Variants in NEDD9 observed in about 807,000 individuals in gnomAD.
The protein encoded by NEDD9 is neural precursor cell expressed, developmentally down-regulated 9, also known as enhancer of filamentation 1.
Under a neutral mutation model 76.6 loss-of-function variants are expected in NEDD9, and 26 were observed. The ratio of observed to expected loss-of-function variants is 0.34; its 90% CI spans 0.25 to 0.47. NEDD9 has a LOEUF of 0.47. Ranked by LOEUF, NEDD9 falls within the 20% of genes least tolerant of loss-of-function variation. NEDD9 has a pLI of 1.00. For synonymous variants in NEDD9, 392 were observed against 414.2 expected (o/e 0.95, Z 0.65); for missense variants, 937 against 1,058.5 (o/e 0.89, Z 1.59).
At chr6:11,317,028 G>A (rs540810309) in intron 2 of NEDD9, among the ~76,000 whole-genome samples, 1 of 152,212 alleles carries the variant, frequency 6.6e-6, no homozygotes, top group Non-Finnish European at 1.5e-5. Flanking sequence ...TATATCCCAA[G>A]TCTGAGATTC....
chr6:11,211,015 G>A (rs945572581), intron 2 of NEDD9, among the ~76,000 whole-genome samples: 2 of 152,212 alleles, frequency 1.3e-5, no homozygotes, highest in African/African-American at 4.8e-5. Context: ...ACTGTGTGAT[G>A]CTTTAGGCAC....
At chr6:11,348,093 C>G (rs1415136031) in intron 1 of NEDD9, among the ~76,000 whole-genome samples, 1 of 152,206 alleles carries the variant, frequency 6.6e-6, no homozygotes, top group East Asian at 1.9e-4. Context: ...ATCAAAGTTT[C>G]AGGATACAAA....
intron 1 of NEDD9, among the ~76,000 whole-genome samples, chr6:11,219,801 G>C (rs978742237): frequency 6.6e-6 from 1 of 152,202 alleles, no homozygotes; most frequent in Non-Finnish European, 1.5e-5. Context: ...TCACCTTTGG[G>C]ATAGAGGGGG....
Position 11,296,679 on chromosome 6 carries a change from C to CCCTTCCTTCCTTCCTT in NEDD9, c.12+9297_12+9312dup, listed in dbSNP as rs529125193. 3.5e-3 allele frequency among the ~76,000 whole-genome samples: 323 copies of CCCTTCCTTCCTTCCTT among 92,964 alleles called. 1 individual carries two copies. Among genetic ancestry groups the CCCTTCCTTCCTTCCTT allele is most frequent in the African/African-American group, 9.8e-3 (201 of 20,526 alleles). The allele number at this position is 92,964 out of a possible 152,430, so 61.0% of individuals were successfully genotyped here. ...CCTTTCCTTTCCTTTCCTTTCCTTT[C>CCCTTCCTTCCTTCCTT]CCTTCCTTCCTTCCTTCCTTCCTTC... is the stretch of plus-strand genomic sequence containing the variant. On this transcript the variant is annotated intron_variant, in intron 3 of 3. Coordinates refer to the NEDD9 transcript ENST00000397378.
chr6:11,368,817 A>C (rs1762810275), intron 1 of NEDD9, among the ~76,000 whole-genome samples: 1 of 151,868 alleles, frequency 6.6e-6, no homozygotes, highest in Non-Finnish European at 1.5e-5. Context: ...CATTCTTTAC[A>C]TCCCTTCTCT....
At chr6:11,282,805 C>T (rs1365318598) in intron 3 of NEDD9, among the ~76,000 whole-genome samples, 1 of 152,230 alleles carries the variant, frequency 6.6e-6, no homozygotes, top group Non-Finnish European at 1.5e-5. Flanking sequence ...TGCTTTCCCT[C>T]TGGCTCCCTG....
chr6:11,259,588 G>A (rs1409826501), intron 3 of NEDD9, among the ~76,000 whole-genome samples: 1 of 152,108 alleles, frequency 6.6e-6, no homozygotes, highest in Non-Finnish European at 1.5e-5. Context: ...TTATACAGTG[G>A]AATTTTGTTT....
intron 1 of NEDD9, chr6:11,352,916 GTTAT>G (rs1248716581): frequency 6.6e-6 from 1 of 152,256 alleles, no homozygotes; most frequent in Non-Finnish European, 1.5e-5. Context: ...CTTTGGCAGA[GTTAT>G]TTGAGGATTC....
At chr6:11,376,113 C>G (rs376500416) in intron 1 of NEDD9, among the ~76,000 whole-genome samples, 36 of 152,192 alleles carry the variant, frequency 2.4e-4, no homozygotes, top group Admixed American at 3.9e-4. Flanking sequence ...CGTGAGCCAC[C>G]GTGCCCGGTC....
At chr6:11,194,707 G>A (rs965566878) in intron 2 of NEDD9, among the ~76,000 whole-genome samples, 5 of 152,156 alleles carry the variant, frequency 3.3e-5, no homozygotes, top group African/African-American at 9.7e-5. Flanking sequence ...CAGTACCTAC[G>A]TCAAGGGATA....
intron 2 of NEDD9, among the ~76,000 whole-genome samples, chr6:11,319,028 T>C (rs986544019): frequency 2.6e-5 from 4 of 152,274 alleles, no homozygotes; most frequent in African/African-American, 9.6e-5. Flanking sequence ...TAGAGTTCAT[T>C]ATGTTTCTGC....
chr6:11,367,524 A>C (rs1312883760), intron 1 of NEDD9, among the ~76,000 whole-genome samples: 2 of 152,226 alleles, frequency 1.3e-5, no homozygotes, highest in Non-Finnish European at 2.9e-5. Flanking sequence ...AGTCTAGAGG[A>C]CCAACTGCAT....
chr6:11,359,264 A>T (rs545188940), intron 1 of NEDD9, among the ~76,000 whole-genome samples: 1 of 152,230 alleles, frequency 6.6e-6, no homozygotes, highest in East Asian at 1.9e-4. Flanking sequence ...CTCTTGGAGA[A>T]ACAAGCTGAA....
rs941982 is a variant in NEDD9 at position 11,190,393 on chromosome 6, A to C, written c.1476T>G (p.Val492=). ...HNKMKRELQR[V]EDSHQILSQT... is the part of the protein sequence containing the mutation. ...GACTCAGGATCTGGTGGGAGTCTTCAACTCGTTGCAGCTCCCGCTTCATCT... is the reference window on the plus strand; with the variant it reads ...GACTCAGGATCTGGTGGGAGTCTTCCACTCGTTGCAGCTCCCGCTTCATCT... Residue 492 remains valine, a synonymous_variant, in exon 5 of 7, where the codon GTT becomes GTG. Coordinates refer to ENST00000379446, the MANE Select transcript of NEDD9 (RefSeq NM_006403.4). The surrounding 1 kb of genome is among the most constrained non-coding windows in gnomAD (Gnocchi z 5.8). 1 of 1,614,066 alleles carries C rather than the reference A, an allele frequency of 6.2e-7. No homozygotes were observed. Among genetic ancestry groups the C allele is most frequent in the Non-Finnish European group, 8.5e-7 (1 of 1,180,008 alleles).
intron 2 of NEDD9, among the ~76,000 whole-genome samples, chr6:11,207,262 G>A (rs1488597231): frequency 1.3e-5 from 2 of 152,158 alleles, no homozygotes; most frequent in Admixed American, 6.5e-5. Flanking sequence ...TCTGAGTGTC[G>A]CTCTGGGCAA....
intron 3 of NEDD9, among the ~76,000 whole-genome samples, chr6:11,269,278 G>A (rs1477874646): frequency 6.6e-6 from 1 of 152,238 alleles, no homozygotes; most frequent in Non-Finnish European, 1.5e-5. Context: ...GGGAGCTGCA[G>A]AGAATTTGGG....
chr6:11,336,626 C>A (rs962332372), intron 1 of NEDD9, among the ~76,000 whole-genome samples: 1 of 152,198 alleles, frequency 6.6e-6, no homozygotes, highest in Non-Finnish European at 1.5e-5. Flanking sequence ...TCGGACATTA[C>A]CGTACACTAC....
intron 3 of NEDD9, among the ~76,000 whole-genome samples, chr6:11,251,945 G>A (rs1323046068): frequency 1.3e-5 from 2 of 152,096 alleles, no homozygotes; most frequent in African/African-American, 4.8e-5. Flanking sequence ...TGTGTGTGGG[G>A]GGGGATGGTG....
intron 3 of NEDD9, among the ~76,000 whole-genome samples, chr6:11,291,280 T>G (rs1219147783): frequency 4.9e-5 from 7 of 142,302 alleles, no homozygotes; most frequent in East Asian, 2.0e-4. Flanking sequence ...TTTTTTTTTT[T>G]TTTTTTTTTT....
Sources: gnomAD v4.1 joint callset for allele counts (sites outside exome capture counted in the v4.1 genomes callset) on GRCh38, gnomAD v4.1.1 for gene constraint, Gnocchi (gnomAD v3.1) non-coding constraint, MANE v1.5 for transcripts, NCBI Gene and HGNC (gene_info 2026-07-23, HGNC 2026-07-21) for gene names.